The following BCL9L variants were observed in gnomAD, a reference collection of about 807,000 sequenced individuals.
BCL9L encodes the protein BCL9 like.
A neutral mutation model predicts 99.4 loss-of-function variants in BCL9L; 19 were observed. That is an observed-to-expected ratio of 0.19 (90% CI 0.13 to 0.28). The LOEUF (loss-of-function observed/expected upper bound fraction) is 0.28. Ranked by LOEUF, BCL9L falls within the 10% of genes least tolerant of loss-of-function variation. The pLI is 1.00. For missense variants in BCL9L, 2,023 were observed against 2,101.6 expected (o/e 0.96, Z 0.73); for synonymous variants, 900 against 854.8 (o/e 1.05, Z -0.92).
rs994544999 is a variant in BCL9L at position 118,918,825 on chromosome 11, C to T, written c.-77+1G>A. The T allele has an allele frequency of 6.6e-6, 1 of 152,066 alleles. No homozygotes were observed. Among genetic ancestry groups the T allele is most frequent in the African/African-American group, 2.4e-5 (1 of 41,348 alleles). The allele number at this position is 152,066 out of a possible 1,614,324, so 9.4% of individuals were successfully genotyped here. A position where few individuals can be genotyped will look rare whatever the true frequency, so the allele number is the denominator to read the frequency against. On this transcript the variant is annotated splice_donor_variant, in intron 2 of 9. Transcript: ENST00000683865. LOFTEE classifies it low-confidence loss of function (5UTR_SPLICE). ...CACACAGGGGCACACAGACCTCTCA[C>T]CTCAGGAATAATGTCGGGCTCAGGC...
Position 118,898,169 on chromosome 11 carries a change from G to C in BCL9L, c.*246C>G, listed in dbSNP as rs976527160. 1.3e-5 allele frequency: 8 copies of C among 593,494 alleles called. No homozygotes were observed. Among genetic ancestry groups the C allele is most frequent in the South Asian group, 4.1e-5 (2 of 48,950 alleles). 36.8% of individuals were successfully genotyped at this position (593,494 alleles called of 1,614,324 possible). On this transcript the variant is annotated 3_prime_UTR_variant, in exon 10 of 10. Coordinates refer to ENST00000683865, the MANE Select transcript of BCL9L (RefSeq NM_001378213.1). ...AGGCTCCATAGGAATTGGGAGGAGT[G>C]GGGGAGGGGCAGTCCTGGTGGCCGA...
At chr11:118,910,133 C>T in intron 2 of BCL9L, 118 bp from the exon 3 acceptor site, 2 of 697,304 alleles carry the variant, frequency 2.9e-6, no homozygotes, top group Non-Finnish European at 4.8e-6. Context: ...GGTGGGGTGG[C>T]ACTGGAAAAA....
intron 5 of BCL9L, among the ~76,000 whole-genome samples, chr11:118,905,989 G>A (rs1044153928): frequency 2.6e-5 from 4 of 152,056 alleles, no homozygotes; most frequent in Admixed American, 6.6e-5. Flanking sequence ...CATGAGGATC[G>A]CTTGAGACCA....
rs368354642 is a variant in BCL9L, at chr11:118,902,567, G to A, written c.1176C>T (p.Ser392=). 7 of 1,601,260 alleles carry A rather than the reference G, an allele frequency of 4.4e-6. No homozygotes were observed. In the African/African-American group the frequency reaches 6.7e-5, roughly 15 times the overall value. ...EAAAPGNGQR[S]LVGSEGLSKE... is the part of the protein sequence containing the mutation. ...TGGACAAGCCCTCTGAGCCCACCAG[G>A]CTGCGCTGCCCATTTCCAGGGGCGG... The change falls in exon 8 of 10, where the codon AGC becomes AGT. Residue 392 remains serine (S), a synonymous_variant. Coordinates refer to ENST00000683865, the MANE Select transcript of BCL9L (RefSeq NM_001378213.1). The surrounding 1 kb of genome is among the most constrained non-coding windows in gnomAD (Gnocchi z 7.8).
Position 118,903,182 on chromosome 11 carries a change from G to A in BCL9L, c.749+54C>T. ...CGGGGCTCCCTCGGAACCCCAGGCTGAGAGGTGCTGGGCAGAGAGAGAGAG... is the reference window on the plus strand; with the variant it reads ...CGGGGCTCCCTCGGAACCCCAGGCTAAGAGGTGCTGGGCAGAGAGAGAGAG... On this transcript the variant is annotated intron_variant, in intron 6 of 9. Coordinates refer to ENST00000683865, the MANE Select transcript of BCL9L (RefSeq NM_001378213.1). The surrounding 1 kb of genome is among the most constrained non-coding windows in gnomAD (Gnocchi z 5.6). 6.4e-7 allele frequency: 1 copy of A among 1,571,156 alleles called. No individual in the cohort carries two copies. The highest frequency in any genetic ancestry group is 8.6e-7 in the Non-Finnish European group (1 of 1,157,184).
chr11:118,910,124 G>A lies in BCL9L; in HGVS notation c.-76-109C>T, dbSNP rs552005383. 3.5e-4 allele frequency: 261 copies of A among 736,974 alleles called. 2 individuals carry two copies. The African/African-American group carries it at 4.1e-3, about 12-fold the overall frequency. 45.7% of individuals were successfully genotyped at this position (736,974 alleles called of 1,614,324 possible). On this transcript the variant is annotated intron_variant, in intron 2 of 9. Transcript: ENST00000683865. ...CCCTGGGACTAGGGAGCTGGATAGG[G>A]TGGGGTGGCACTGGAAAAAGAGGAT...
intron 2 of BCL9L, among the ~76,000 whole-genome samples, chr11:118,912,892 C>T (rs969523488): frequency 2.0e-5 from 3 of 152,174 alleles, no homozygotes; most frequent in Non-Finnish European, 1.5e-5. Context: ...TGGCCTCTGG[C>T]TCAGGGAGAT....
In BCL9L at chr11:118,901,562, C is replaced by A. The variant is rs1281783286; in HGVS notation, c.2181G>T (p.Met727Ile). 2 of 1,614,062 alleles carry A rather than the reference C, an allele frequency of 1.2e-6. No individual in the cohort carries two copies. Among genetic ancestry groups the A allele is most frequent in the Admixed American group, 1.7e-5 (1 of 60,012 alleles). ...TGCCCGCCAGGCCCTCACCACCAGC[C>A]ATCTGCCCGGGAAACATGGCAGGAT... ...QMDPAMFPGQ[M>I]AGGEGLAGTP... The change falls in exon 8 of 10, where the codon ATG becomes ATT. Residue 727 changes from methionine to isoleucine, a missense_variant. Coordinates refer to ENST00000683865, the MANE Select transcript of BCL9L (RefSeq NM_001378213.1). This position sits in a 1 kb window ranked among gnomAD's most constrained non-coding sequence, Gnocchi z 6.6.
chr11:118,920,382 T>C (rs1370280457), intron 1 of BCL9L, among the ~76,000 whole-genome samples: 1 of 152,152 alleles, frequency 6.6e-6, no homozygotes, highest in African/African-American at 2.4e-5. Context: ...CTTCCCACGA[T>C]CGATCAAGGC....
Position 118,909,899 on chromosome 11 carries a change from A to C in BCL9L, c.26+15T>G. ...TCCACACACACACATCCCACCCGCC[A>C]CGACACCCACACACCTTGTCTTGTT... On this transcript the variant is annotated intron_variant, in intron 3 of 9. Coordinates refer to ENST00000683865, the MANE Select transcript of BCL9L (RefSeq NM_001378213.1). 6.2e-7 allele frequency: 1 copy of C among 1,613,602 alleles called. No homozygotes were observed. Among genetic ancestry groups the C allele is most frequent in the Non-Finnish European group, 8.5e-7 (1 of 1,179,830 alleles).
Position 118,902,527 on chromosome 11 carries a change from G to A in BCL9L, c.1216C>T (p.His406Tyr). Residue 406 changes from histidine (H) to tyrosine (Y), a missense_variant, in exon 8 of 10, where the codon CAT becomes TAT. Coordinates refer to ENST00000683865, the MANE Select transcript of BCL9L (RefSeq NM_001378213.1). This position sits in a 1 kb window ranked among gnomAD's most constrained non-coding sequence, Gnocchi z 7.8. ...AGCGTCTGGAGGGACCGTTCCCGAT[G>A]CTCCAGCTGCTCTTTGGACAAGCCC... Reference protein sequence around the residue: ...SEGLSKEQLEHRERSLQTLRD... With the variant: ...SEGLSKEQLEYRERSLQTLRD... 1 of 1,604,528 alleles carries A rather than the reference G, an allele frequency of 6.2e-7. No individual in the cohort carries two copies. Among genetic ancestry groups the A allele is most frequent in the Non-Finnish European group, 8.5e-7 (1 of 1,179,864 alleles).
rs538775772 is a variant in BCL9L at position 118,898,333 on chromosome 11, C to A, written c.*82G>T. ...CCTCCACCCCACCCCGCGACCCAGG[C>A]CATCCCAACATTGAGGGGAAGAACT... On this transcript the variant is annotated 3_prime_UTR_variant, in exon 10 of 10. Transcript: ENST00000683865. 21 of 1,390,220 alleles carry A rather than the reference C, an allele frequency of 1.5e-5. No homozygotes were observed. The South Asian group carries it at 2.0e-4, about 13-fold the overall frequency. The allele number at this position is 1,390,220 out of a possible 1,614,324, so 86.1% of individuals were successfully genotyped here. A position where few individuals can be genotyped will look rare whatever the true frequency, so the allele number is the denominator to read the frequency against.
chr11:118,915,067 G>A (rs1247769570), intron 2 of BCL9L, among the ~76,000 whole-genome samples: 8 of 152,066 alleles, frequency 5.3e-5, no homozygotes, highest in South Asian at 4.1e-4. Context: ...CCCAGGAGGC[G>A]GAGGTTGCAG....
rs1219476092 is a variant in BCL9L, at chr11:118,913,502, C to CACA, written c.-76-3488_-76-3487insTGT. Among the ~76,000 whole-genome samples, 61 of 152,208 alleles carry CACA rather than the reference C, an allele frequency of 4.0e-4. 2 individuals carry two copies. Among genetic ancestry groups the CACA allele is most frequent in the Admixed American group, 1.3e-4 (2 of 15,290 alleles). ...CCGGGCCTTGGGAAGCAATCATGGC[C>CACA]TGGCAGTGGGGTGCCCCCAAAGACA... On this transcript the variant is annotated intron_variant, in intron 2 of 9. Coordinates refer to ENST00000683865, the MANE Select transcript of BCL9L (RefSeq NM_001378213.1).
chr11:118,908,746 A>C, intron 3 of BCL9L, 91 bp from the exon 4 acceptor site: 4 of 1,099,028 alleles, frequency 3.6e-6, no homozygotes, highest in Non-Finnish European at 5.2e-6. Context: ...CTCCCCTAAC[A>C]ATGGGGGAGG....
chr11:118,907,406 T>G, intron 5 of BCL9L, 77 bp downstream of exon 5: 1 of 1,607,172 alleles, frequency 6.2e-7, no homozygotes, highest in African/African-American at 1.3e-5. Context: ...CTCACTTCTT[T>G]CCCAGGCTCA....
rs529664872 is a variant in BCL9L at position 118,900,516 on chromosome 11, C to G, written c.3124+103G>C. 76 of 1,476,274 alleles carry G rather than the reference C, an allele frequency of 5.1e-5. No individual in the cohort carries two copies. The highest frequency in any genetic ancestry group is 6.5e-5 in the Non-Finnish European group (73 of 1,118,178). The allele number at this position is 1,476,274 out of a possible 1,614,324, so 91.4% of individuals were successfully genotyped here. A position where few individuals can be genotyped will look rare whatever the true frequency, so the allele number is the denominator to read the frequency against. The stretch of plus-strand genomic sequence containing the variant: ...AAGCAGAGCCATCCACCTCTGGGCC[C>G]GTGGTACACAGGCCCTTACTCACTC... On this transcript the variant is annotated intron_variant, in intron 8 of 9. Transcript: ENST00000683865. The surrounding 1 kb of genome is among the most constrained non-coding windows in gnomAD (Gnocchi z 5.3).
chr11:118,907,942 G>C (rs1180774571), intron 4 of BCL9L, among the ~76,000 whole-genome samples: 1 of 152,184 alleles, frequency 6.6e-6, no homozygotes, highest in Non-Finnish European at 1.5e-5. Flanking sequence ...GCCGGGATAC[G>C]GAGGCTCCTG....
chr11:118,900,309 C>T lies in BCL9L; in HGVS notation c.3125-111G>A. 8.0e-7 allele frequency: 1 copy of T among 1,256,314 alleles called. No homozygotes were observed. The highest frequency in any genetic ancestry group is 1.5e-5 in the South Asian group (1 of 64,636). 77.8% of individuals were successfully genotyped at this position (1,256,314 alleles called of 1,614,324 possible). A position where few individuals can be genotyped will look rare whatever the true frequency, so the allele number is the denominator to read the frequency against. Reference sequence around the variant, plus strand: ...CGGTCAGTTCCCCAAATCACCTGGTCCTTCAGACACACCCACAGGCCCCCA... The same window carrying T: ...CGGTCAGTTCCCCAAATCACCTGGTTCTTCAGACACACCCACAGGCCCCCA... On this transcript the variant is annotated intron_variant, in intron 8 of 9. Coordinates refer to ENST00000683865, the MANE Select transcript of BCL9L (RefSeq NM_001378213.1). This position sits in a 1 kb window ranked among gnomAD's most constrained non-coding sequence, Gnocchi z 5.3.
Sources: gnomAD v4.1 joint callset for allele counts (sites outside exome capture counted in the v4.1 genomes callset) on GRCh38, gnomAD v4.1.1 for gene constraint, Gnocchi (gnomAD v3.1) non-coding constraint, MANE v1.5 for transcripts, NCBI Gene and HGNC (gene_info 2026-07-23, HGNC 2026-07-21) for gene names.